TEX11: variants seen among roughly 807,000 people sequenced by gnomAD.
TEX11 encodes the protein testis-expressed protein 11.
TEX11 carries 7 observed loss-of-function variants against 84.4 expected under a neutral mutation model. The ratio of observed to expected loss-of-function variants is 0.08; its 90% CI spans 0.05 to 0.16. TEX11 has a LOEUF of 0.16. Ranked by LOEUF, TEX11 falls within the 10% of genes least tolerant of loss-of-function variation. The pLI, the probability that TEX11 is intolerant of heterozygous loss-of-function variation, is 1.00. For synonymous variants in TEX11, 264 were observed against 222.8 expected (o/e 1.18, Z -1.64); for missense variants, 551 against 660.5 (o/e 0.83, Z 1.82).
At chrX:70,816,045 C>T (rs1266408196) in intron 8 of TEX11, among the ~76,000 whole-genome samples, 1 of 111,226 alleles carries the variant, frequency 9.0e-6, no homozygotes, top group East Asian at 2.8e-4. Flanking sequence ...GTATAAACTG[C>T]ACCCAGTTTG....
chrX:70,818,600 A>G (rs1387203534), intron 8 of TEX11, among the ~76,000 whole-genome samples: 1 of 110,473 alleles, frequency 9.1e-6, no homozygotes, highest in Non-Finnish European at 1.9e-5. Flanking sequence ...GAGCCACCCA[A>G]AGCCCACAAC....
At chrX:70,535,827 A>T (rs2087950190) in intron 28 of TEX11, among the ~76,000 whole-genome samples, 1 of 108,320 alleles carries the variant, frequency 9.2e-6, no homozygotes, top group Admixed American at 9.9e-5. Flanking sequence ...GGCTGGTCCC[A>T]AACTTCTGGC....
At chrX:70,687,066 G>A (rs1432517867) in intron 13 of TEX11, among the ~76,000 whole-genome samples, 2 of 110,888 alleles carry the variant, frequency 1.8e-5, no homozygotes, top group South Asian at 3.8e-4. Context: ...TACCAAAGTG[G>A]AGAAAATAAT....
chrX:70,872,626 G>A (rs1253435479), intron 4 of TEX11, among the ~76,000 whole-genome samples: 2 of 112,119 alleles, frequency 1.8e-5, no homozygotes, highest in African/African-American at 6.5e-5. Context: ...CTAGAACATT[G>A]CCAGACAGTG....
At chrX:70,770,676 CAT>C (rs944798480) in intron 9 of TEX11, among the ~76,000 whole-genome samples, 1 of 111,312 alleles carries the variant, frequency 9.0e-6, no homozygotes, top group Non-Finnish European at 1.9e-5. Context: ...TAAATTATCA[CAT>C]GTTCCCTGAA....
At chrX:70,646,094 T>C (rs749664638) in intron 17 of TEX11, among the ~76,000 whole-genome samples, 15 of 111,001 alleles carry the variant, frequency 1.4e-4, no homozygotes, top group South Asian at 3.8e-4. Context: ...TGGAAGGAAA[T>C]AGAGAGCCCA....
chrX:70,781,775 T>C (rs1369058786), intron 9 of TEX11, among the ~76,000 whole-genome samples: 2 of 109,165 alleles, frequency 1.8e-5, no homozygotes, highest in African/African-American at 3.3e-5. Flanking sequence ...GAAAAAAGAG[T>C]AAAAAGAAAT....
chrX:70,553,517 C>T, intron 26 of TEX11, 103 bp from the exon 27 acceptor site: 1 of 432,548 alleles, frequency 2.3e-6, no homozygotes, highest in Non-Finnish European at 3.9e-6. Context: ...TGGGCTGAAA[C>T]AGATGAACAA....
chrX:70,534,090 C>CAAAAA (rs1168310559), intron 28 of TEX11, among the ~76,000 whole-genome samples: 1 of 21,728 alleles, frequency 4.6e-5, no homozygotes, highest in Non-Finnish European at 7.2e-5. Flanking sequence ...GACTCCATCT[C>CAAAAA]AAAAAAAAAA....
intron 9 of TEX11, among the ~76,000 whole-genome samples, chrX:70,758,185 A>G (rs756567153): frequency 3.6e-5 from 4 of 111,941 alleles, no homozygotes; most frequent in African/African-American, 9.7e-5. Flanking sequence ...GGAGACTTTA[A>G]CAACCCACTG....
At chrX:70,695,317 T>C (rs904940590) in intron 13 of TEX11, among the ~76,000 whole-genome samples, 2 of 112,272 alleles carry the variant, frequency 1.8e-5, no homozygotes, top group Non-Finnish European at 3.8e-5. Flanking sequence ...ACTATACAGA[T>C]ATATGCAACA....
At chrX:70,843,677 C>A (rs1407246171) in intron 7 of TEX11, among the ~76,000 whole-genome samples, 1 of 111,434 alleles carries the variant, frequency 9.0e-6, no homozygotes, top group Non-Finnish European at 1.9e-5. Context: ...AGGCAACCTA[C>A]AAAATGGGAG....
At chrX:70,781,023 C>T (rs184477312) in intron 9 of TEX11, among the ~76,000 whole-genome samples, 5 of 112,166 alleles carry the variant, frequency 4.5e-5, no homozygotes, top group East Asian at 2.8e-4. Flanking sequence ...CCCTGACCCC[C>T]GTGTAGCCTA....
At chrX:70,895,118 G>A (rs2091759948) in intron 2 of TEX11, among the ~76,000 whole-genome samples, 1 of 111,359 alleles carries the variant, frequency 9.0e-6, no homozygotes, top group Non-Finnish European at 1.9e-5. Context: ...TGACATGATT[G>A]TATATTTAGA....
In TEX11 at chrX:70,678,274, T is replaced by C. The variant is rs189990420; in HGVS notation, c.1242+530A>G. Among the ~76,000 whole-genome samples, 43 of 111,238 alleles carry C rather than the reference T, an allele frequency of 3.9e-4. No individual in the cohort carries two copies. The East Asian group carries it at 9.5e-3, about 25-fold the overall frequency. ...ACATAAAACAGTCCCTGTTACTACATATTAATTGCAAGTGGAAGCAAACAC... is the reference window on the plus strand; with the variant it reads ...ACATAAAACAGTCCCTGTTACTACACATTAATTGCAAGTGGAAGCAAACAC... On this transcript the variant is annotated intron_variant, in intron 15 of 29. Transcript: ENST00000374333.
At chrX:70,546,561 A>G (rs1416411286) in intron 28 of TEX11, among the ~76,000 whole-genome samples, 1 of 111,943 alleles carries the variant, frequency 8.9e-6, no homozygotes, top group Non-Finnish European at 1.9e-5. Flanking sequence ...TTCCATTTTA[A>G]AAATGGGAAA....
chrX:70,529,762 C>T, intron 29 of TEX11, 73 bp downstream of exon 29: 1 of 1,051,440 alleles, frequency 9.5e-7, no homozygotes, highest in African/African-American at 1.9e-5. Flanking sequence ...GGGGTTGAGT[C>T]CTTGTGGAGA....
chrX:70,879,861 C>A, intron 3 of TEX11, 127 bp downstream of exon 3: 1 of 495,885 alleles, frequency 2.0e-6, no homozygotes, highest in Non-Finnish European at 2.9e-6. Context: ...GTGTGAACAT[C>A]CAAAAATAGA....
chrX:70,894,645 C>A (rs1003579977), intron 2 of TEX11, among the ~76,000 whole-genome samples: 8 of 109,906 alleles, frequency 7.3e-5, no homozygotes, highest in African/African-American at 2.3e-4. Flanking sequence ...AAAATACTGG[C>A]AAACCAAATC....
Sources: allele counts gnomAD v4.1 joint callset (sites outside exome capture counted in the v4.1 genomes callset), GRCh38; gene constraint gnomAD v4.1.1; transcripts MANE v1.5; gene names NCBI Gene and HGNC (gene_info 2026-07-23, HGNC 2026-07-21).